TPRG1: variants seen among roughly 807,000 people sequenced by gnomAD.
The protein encoded by TPRG1 is tumor protein p63 regulated 1.
TPRG1 carries 29 observed loss-of-function variants against 29.3 expected under a neutral mutation model. The observed-to-expected ratio is 0.99, with a 90% CI of 0.74 to 1.35. TPRG1 has a LOEUF of 1.35. TPRG1 is among the 40% of genes most tolerant of loss of function. The pLI is 0.00. For missense variants in TPRG1, 327 were observed against 335.0 expected (o/e 0.98, Z 0.19); for synonymous variants, 130 against 116.8 (o/e 1.11, Z -0.73).
chr3:189,036,921 G>C (rs769573846), intron 4 of TPRG1, among the ~76,000 whole-genome samples: 2 of 151,244 alleles, frequency 1.3e-5, no homozygotes, highest in East Asian at 1.9e-4. Context: ...AAATTTGAAA[G>C]GTCTAAAAAT....
chr3:189,097,098 A>G (rs1718729510), upstream of TPRG1, among the ~76,000 whole-genome samples: 1 of 152,216 alleles, frequency 6.6e-6, no homozygotes, highest in Non-Finnish European at 1.5e-5. Flanking sequence ...CATCTGGGAA[A>G]TATTGGTTCA....
At chr3:189,295,421 T>C (rs1719730092) in intron 4 of TPRG1, among the ~76,000 whole-genome samples, 1 of 151,066 alleles carries the variant, frequency 6.6e-6, no homozygotes, top group Non-Finnish European at 1.5e-5. Context: ...ACATTATCTC[T>C]GTGGCTTTAA....
chr3:189,231,572 T>C (rs902223234), intron 3 of TPRG1, among the ~76,000 whole-genome samples: 11 of 152,190 alleles, frequency 7.2e-5, no homozygotes, highest in Admixed American at 6.5e-4. Flanking sequence ...ATGTCATATC[T>C]CTTTCATCCT....
chr3:189,140,628 G>A (rs12497464), intron 3 of TPRG1, among the ~76,000 whole-genome samples: 1,983 of 152,166 alleles, frequency 0.013, 26 homozygotes, highest in Admixed American at 0.026. Context: ...GTTCTTTTCC[G>A]TACAATTCTG....
chr3:189,016,973 T>C (rs1712969072), intron 3 of TPRG1, among the ~76,000 whole-genome samples: 1 of 152,174 alleles, frequency 6.6e-6, no homozygotes, highest in Non-Finnish European at 1.5e-5. Flanking sequence ...TGAATTTGAA[T>C]GTTGGCCTGT....
At chr3:189,315,145 C>A (rs950799023) in intron 5 of TPRG1, among the ~76,000 whole-genome samples, 1 of 151,752 alleles carries the variant, frequency 6.6e-6, no homozygotes, top group African/African-American at 2.4e-5. Context: ...GATGACAGAG[C>A]AAGATTTTGT....
chr3:189,218,359 G>A (rs543390088), intron 3 of TPRG1, among the ~76,000 whole-genome samples: 8 of 151,872 alleles, frequency 5.3e-5, no homozygotes, highest in East Asian at 1.9e-4. Flanking sequence ...CTCGTGATCC[G>A]CCTGCCTCGG....
At chr3:189,097,957 G>A (rs116636406), upstream of TPRG1, among the ~76,000 whole-genome samples, 389 of 152,232 alleles carry the variant, frequency 2.6e-3, 2 homozygotes, top group African/African-American at 8.3e-3. Flanking sequence ...AGTAAAAAAG[G>A]CCTGTTTGTA....
At chr3:189,275,194 A>G (rs186240915) in intron 4 of TPRG1, among the ~76,000 whole-genome samples, 114 of 152,240 alleles carry the variant, frequency 7.5e-4, no homozygotes, top group Middle Eastern at 3.4e-3. Flanking sequence ...CAAACAGCAT[A>G]CATACAGTGT....
intron 4 of TPRG1, among the ~76,000 whole-genome samples, chr3:189,301,564 T>C (rs1490432894): frequency 2.0e-5 from 3 of 150,010 alleles, no homozygotes; most frequent in African/African-American, 7.3e-5. Flanking sequence ...TATAATGTTT[T>C]CCTCCATTTT....
intron 4 of TPRG1, among the ~76,000 whole-genome samples, chr3:189,276,427 A>T (rs1716153849): frequency 6.6e-6 from 1 of 152,146 alleles, no homozygotes; most frequent in African/African-American, 2.4e-5. Context: ...GTTTCAAAGG[A>T]ATTGTGTGAA....
chr3:189,030,630 A>C (rs1180820188), intron 4 of TPRG1, among the ~76,000 whole-genome samples: 1 of 152,174 alleles, frequency 6.6e-6, no homozygotes, highest in Non-Finnish European at 1.5e-5. Flanking sequence ...CTAGGACATG[A>C]GGACAACATG....
At chr3:189,040,326 T>G (rs1278895941) in intron 4 of TPRG1, among the ~76,000 whole-genome samples, 1 of 152,192 alleles carries the variant, frequency 6.6e-6, no homozygotes, top group East Asian at 1.9e-4. Flanking sequence ...TTAGCCATCC[T>G]CCTAGTTATT....
At chr3:189,028,807 G>A (rs187088483) in intron 4 of TPRG1, among the ~76,000 whole-genome samples, 1 of 152,266 alleles carries the variant, frequency 6.6e-6, no homozygotes, top group Admixed American at 6.5e-5. Context: ...TGGTAGTAAT[G>A]TATTTCTACT....
chr3:189,217,935 C>G lies in TPRG1; in HGVS notation c.302+2552C>G, dbSNP rs1053834313. 7 of 985,192 alleles carry G rather than the reference C, an allele frequency of 7.1e-6. No homozygotes were observed. The African/African-American group carries it at 1.2e-4, about 17-fold the overall frequency. 61.0% of individuals were successfully genotyped at this position (985,192 alleles called of 1,614,324 possible). ...AATGAGAACACAAAAACAAAAATCC[C>G]AACTCCCCCAACAGCAACCACAAAA... On this transcript the variant is annotated intron_variant, in intron 3 of 5. Transcript: ENST00000345063.
chr3:189,118,347 A>T (rs1207806854), intron 1 of TPRG1, among the ~76,000 whole-genome samples: 1 of 152,202 alleles, frequency 6.6e-6, no homozygotes, highest in Non-Finnish European at 1.5e-5. Flanking sequence ...TTCAAGAGGA[A>T]GCAGAGCATA....
chr3:189,085,447 A>G (rs925848391), intron 4 of TPRG1, among the ~76,000 whole-genome samples: 16 of 121,922 alleles, frequency 1.3e-4, no homozygotes, highest in Non-Finnish European at 2.1e-4. Context: ...GTGTGTGTGC[A>G]TGTGTGTGTG....
At chr3:189,277,645 A>G (rs1716399498) in intron 4 of TPRG1, among the ~76,000 whole-genome samples, 1 of 152,242 alleles carries the variant, frequency 6.6e-6, no homozygotes, top group South Asian at 2.1e-4. Context: ...CTGAAAGTCA[A>G]TTAATTAATT....
intron 3 of TPRG1, among the ~76,000 whole-genome samples, chr3:189,009,586 A>T (rs953300748): frequency 1.3e-5 from 2 of 152,154 alleles, no homozygotes; most frequent in African/African-American, 4.8e-5. Context: ...AAATGCAAAG[A>T]AATATATTTT....
Sources: allele counts gnomAD v4.1 joint callset (sites outside exome capture counted in the v4.1 genomes callset), GRCh38; gene constraint gnomAD v4.1.1; transcripts MANE v1.5; gene names NCBI Gene and HGNC (gene_info 2026-07-23, HGNC 2026-07-21).